CWC15: variants seen among roughly 807,000 people sequenced by gnomAD.
CWC15 encodes spliceosome-associated protein CWC15 homolog.
In CWC15, 12 loss-of-function variants were observed where a neutral mutation model predicts 28.4. The observed-to-expected ratio is 0.42, with a 90% CI of 0.27 to 0.69. The LOEUF (loss-of-function observed/expected upper bound fraction) is 0.69, where lower values mean the gene tolerates loss of function less well. Ranked by LOEUF, CWC15 falls within the 30% of genes least tolerant of loss-of-function variation. The pLI, the probability that CWC15 is intolerant of heterozygous loss-of-function variation, is 0.23. For synonymous variants in CWC15, 92 were observed against 88.4 expected, an observed-to-expected ratio of 1.04 and a Z score of -0.23; for missense variants, 192 against 271.5, an observed-to-expected ratio of 0.71 and a Z score of 2.06.
chr11:94,966,416 G>A lies in CWC15; in HGVS notation c.442-3C>T. 1 of 1,535,236 alleles carries A rather than the reference G, an allele frequency of 6.5e-7. No individual in the cohort carries two copies. Among genetic ancestry groups the A allele is most frequent in the Non-Finnish European group, 8.8e-7 (1 of 1,134,330 alleles). On this transcript the variant is annotated splice_polypyrimidine_tract_variant and splice_region_variant and intron_variant, in intron 5 of 6. Transcript: ENST00000279839. ...TCTTCAGCTTTTTGTTCTTGTTCCT[G>A]TCAATGATAAAGGAAGATTAACACT...
At chr11:94,964,118 T>TA (rs1310120792) in intron 6 of CWC15, among the ~76,000 whole-genome samples, 1 of 151,466 alleles carries the variant, frequency 6.6e-6, no homozygotes, top group Non-Finnish European at 1.5e-5. Context: ...CCATAATGTA[T>TA]AAGCACGAAA....
intron 4 of CWC15, chr11:94,970,644 G>A: frequency 3.6e-6 from 1 of 278,036 alleles, no homozygotes; most frequent in Non-Finnish European, 6.9e-6. Flanking sequence ...CTGTTTATAG[G>A]AAGCCCAGTA....
At chr11:94,964,920 A>C (rs587773695) in intron 6 of CWC15, among the ~76,000 whole-genome samples, 6 of 152,360 alleles carry the variant, frequency 3.9e-5, no homozygotes, top group African/African-American at 1.4e-4. Flanking sequence ...TTATGGCTTT[A>C]AAAAGTTTAT....
intron 5 of CWC15, among the ~76,000 whole-genome samples, chr11:94,967,629 AAT>A (rs1857664230): frequency 6.6e-6 from 1 of 152,250 alleles, no homozygotes; most frequent in Admixed American, 6.5e-5. Context: ...TTAATAATCT[AAT>A]TTTTCATACA....
At chr11:94,964,405 C>T (rs587680426) in intron 6 of CWC15, among the ~76,000 whole-genome samples, 2 of 152,286 alleles carry the variant, frequency 1.3e-5, no homozygotes, top group South Asian at 2.1e-4. Flanking sequence ...ATCACTGATG[C>T]AGTACACAGA....
At chr11:94,969,584 G>A (rs929380927) in intron 5 of CWC15, among the ~76,000 whole-genome samples, 1 of 152,118 alleles carries the variant, frequency 6.6e-6, no homozygotes, top group Admixed American at 6.5e-5. Context: ...TAGGTAGCTT[G>A]ACCTAGGTTA....
chr11:94,965,046 AG>A (rs1297599045), intron 6 of CWC15, among the ~76,000 whole-genome samples: 1 of 152,218 alleles, frequency 6.6e-6, no homozygotes, highest in Non-Finnish European at 1.5e-5. Context: ...ATCACTCCAG[AG>A]GGGAAAGCGG....
Position 94,971,983 on chromosome 11 carries a change from C to A in CWC15, c.131+72G>T. ...TAAGTGACATAACTCAAACATACTACTATATCATGACCATGCCATTTAACA... is the reference window on the plus strand; with the variant it reads ...TAAGTGACATAACTCAAACATACTAATATATCATGACCATGCCATTTAACA... On this transcript the variant is annotated intron_variant, in intron 2 of 6. Coordinates refer to ENST00000279839, the MANE Select transcript of CWC15 (RefSeq NM_016403.4). 3.7e-6 allele frequency: 5 copies of A among 1,354,150 alleles called. No homozygotes were observed. In the South Asian group the frequency reaches 6.7e-5, roughly 18 times the overall value. 83.9% of individuals were successfully genotyped at this position (1,354,150 alleles called of 1,614,324 possible). A position where few individuals can be genotyped will look rare whatever the true frequency, so the allele number is the denominator to read the frequency against.
intron 5 of CWC15, among the ~76,000 whole-genome samples, chr11:94,968,033 C>T (rs1857669665): frequency 6.6e-6 from 1 of 152,188 alleles, no homozygotes; most frequent in Admixed American, 6.5e-5. Flanking sequence ...GGAAAAAAGG[C>T]ATAAACTCTT....
chr11:94,964,001 G>A (rs1555094827), intron 6 of CWC15, among the ~76,000 whole-genome samples: 2 of 151,966 alleles, frequency 1.3e-5, no homozygotes, highest in African/African-American at 4.8e-5. Context: ...AACAAAAGGA[G>A]AAGGAATCAT....
At chr11:94,973,051 G>A (rs1481381408) in intron 1 of CWC15, among the ~76,000 whole-genome samples, 1 of 151,436 alleles carries the variant, frequency 6.6e-6, no homozygotes, top group African/African-American at 2.4e-5. Context: ...ATTTTTTGGG[G>A]GGGGGGCGAT....
intron 5 of CWC15, 87 bp downstream of exon 5, chr11:94,969,902 A>G (rs980526241): frequency 9.1e-6 from 6 of 657,958 alleles, no homozygotes; most frequent in East Asian, 3.1e-5. Context: ...GATTTCTAAT[A>G]TAAGAAGATA....
chr11:94,963,465 G>C lies in CWC15; in HGVS notation c.610C>G (p.Gln204Glu). The C allele has an allele frequency of 6.3e-7, 1 of 1,581,802 alleles. No homozygotes were observed. Among genetic ancestry groups the C allele is most frequent in the Non-Finnish European group, 8.6e-7 (1 of 1,161,926 alleles). ...TTTACAAATCTTTTGTCTTTCTTCTGGTCATCTACACCTTTTGCACAGTTC... is the reference window on the plus strand; with the variant it reads ...TTTACAAATCTTTTGTCTTTCTTCTCGTCATCTACACCTTTTGCACAGTTC... Reference protein sequence around the residue: ...FKNCAKGVDDQKKDKRFVNDT... With the variant: ...FKNCAKGVDDEKKDKRFVNDT... The change falls in exon 7 of 7, where the codon CAG becomes GAG. Residue 204 changes from glutamine (Q) to glutamate (E), a missense_variant. Gln to Glu is a conservative substitution (Grantham distance 29). Around this residue, in one of 2 missense-constraint regions of CWC15, gnomAD observed 188 missense variants for 250.3 expected, o/e 0.75. Transcript: ENST00000279839.
intron 1 of CWC15, among the ~76,000 whole-genome samples, chr11:94,972,433 C>G (rs782160976): frequency 1.3e-5 from 2 of 152,208 alleles, no homozygotes; most frequent in African/African-American, 4.8e-5. Context: ...AGTTTGCATC[C>G]CTATTCTCCT....
At chr11:94,966,566 T>A (rs1296075504) in intron 5 of CWC15, among the ~76,000 whole-genome samples, 153 bp from the exon 6 acceptor site, 1 of 150,792 alleles carries the variant, frequency 6.6e-6, no homozygotes, top group Admixed American at 6.6e-5. Context: ...TTTTTTTGGT[T>A]TTTGAGGCAT....
intron 6 of CWC15, 149 bp from the exon 7 acceptor site, chr11:94,963,663 T>G (rs1857598670): frequency 3.7e-6 from 2 of 540,876 alleles, no homozygotes; most frequent in Non-Finnish European, 5.9e-6. Context: ...AAGAATAATG[T>G]CATCCTTAAT....
chr11:94,964,802 T>C (rs1372241159), intron 6 of CWC15, among the ~76,000 whole-genome samples: 1 of 152,232 alleles, frequency 6.6e-6, no homozygotes, highest in African/African-American at 2.4e-5. Context: ...GCTAGATGAT[T>C]AGAACAGGTA....
intron 5 of CWC15, 58 bp from the exon 6 acceptor site, chr11:94,966,471 T>G: frequency 8.7e-7 from 1 of 1,147,346 alleles, no homozygotes; most frequent in Non-Finnish European, 1.2e-6. Flanking sequence ...TTCAATTTTT[T>G]TTATATTAGC....
At chr11:94,966,821 T>C (rs16921229) in intron 5 of CWC15, among the ~76,000 whole-genome samples, 5,126 of 152,162 alleles carry the variant, frequency 0.034, 138 homozygotes, top group Admixed American at 0.096. Context: ...TTAGCAAAAC[T>C]ATTACCTTCA....
Sources: allele counts gnomAD v4.1 joint callset (sites outside exome capture counted in the v4.1 genomes callset), GRCh38; gene constraint gnomAD v4.1.1; regional missense constraint gnomAD v4.1.1; transcripts MANE v1.5; gene names NCBI Gene and HGNC (gene_info 2026-07-23, HGNC 2026-07-21).